Variants in ZBBX observed in about 807,000 individuals in gnomAD.
ZBBX encodes the protein zinc finger B-box domain-containing protein 1.
In ZBBX, 101 loss-of-function variants were observed where a neutral mutation model predicts 108.5. The observed-to-expected ratio is 0.93, with a 90% CI of 0.79 to 1.10. The LOEUF (loss-of-function observed/expected upper bound fraction) is 1.10. Among genes scored for constraint, ZBBX ranks in the 50% least tolerant of loss-of-function variants. The pLI is 0.00. For missense variants in ZBBX, 1,009 were observed against 941.4 expected, an observed-to-expected ratio of 1.07 and a Z score of -0.94; for synonymous variants, 356 against 323.4, an observed-to-expected ratio of 1.10 and a Z score of -1.08.
At chr3:167,227,568 T>TA in the ZBBX span, among the ~76,000 whole-genome samples, 1 of 151,640 alleles carries the variant, frequency 6.6e-6, no homozygotes, top group African/African-American at 2.4e-5. Flanking sequence ...TTTAGTTTCA[T>TA]AAAAAAAATT....
At chr3:167,357,830 G>A (rs1325850999) in intron 8 of ZBBX, among the ~76,000 whole-genome samples, 2 of 151,928 alleles carry the variant, frequency 1.3e-5, no homozygotes, top group African/African-American at 4.8e-5. Context: ...TATACACCAT[G>A]GAATACTATG....
intron 11 of ZBBX, among the ~76,000 whole-genome samples, chr3:167,327,368 A>G (rs1014646773): frequency 7.2e-5 from 11 of 152,158 alleles, no homozygotes; most frequent in Admixed American, 1.3e-4. Context: ...TAGAAGAAGA[A>G]CTGAAAGAAT....
intron 20 of ZBBX, among the ~76,000 whole-genome samples, chr3:167,259,384 AATGGTCT>A (rs771046420): frequency 3.3e-5 from 5 of 152,028 alleles, no homozygotes; most frequent in Non-Finnish European, 7.4e-5. Context: ...TAATGTTGTT[AATGGTCT>A]ATCAATTTTA....
At chr3:167,221,619 T>A in the ZBBX span, among the ~76,000 whole-genome samples, 1 of 151,898 alleles carries the variant, frequency 6.6e-6, no homozygotes, top group South Asian at 2.1e-4. Context: ...AAAGATTTCT[T>A]GAGTAACACC....
At position 167,342,691 on chromosome 3, in the gene ZBBX, GT is replaced by G. The variant is rs1313392819; in HGVS notation, c.528+7728del. On this transcript the variant is annotated intron_variant, in intron 9 of 21. Transcript: ENST00000675490. The stretch of plus-strand genomic sequence containing the variant: ...AATTTCTGCTTCTATAAATTTGACT[GT>G]TTAAAATATCTCATATAAGCAGAGT... Among the ~76,000 whole-genome samples, 3 of 150,798 alleles carry G rather than the reference GT, an allele frequency of 2.0e-5. No homozygotes were observed. The East Asian group carries it at 5.9e-4, about 30-fold the overall frequency.
chr3:167,255,058 T>C (rs950676729), intron 20 of ZBBX, among the ~76,000 whole-genome samples: 7 of 152,072 alleles, frequency 4.6e-5, no homozygotes, highest in Non-Finnish European at 1.0e-4. Flanking sequence ...ATTTGCCATC[T>C]AAATAGAAAT....
the ZBBX span, among the ~76,000 whole-genome samples, chr3:167,191,934 T>TATATATATATATAGAGAGAGAGAGAG: frequency 7.7e-6 from 1 of 130,224 alleles, no homozygotes; most frequent in African/African-American, 3.0e-5. Flanking sequence ...TATATATATA[T>TATATATATATATAGAGAGAGAGAGAG]AGAGCAAGTT....
At chr3:167,220,871 T>C in the ZBBX span, among the ~76,000 whole-genome samples, 1 of 151,662 alleles carries the variant, frequency 6.6e-6, no homozygotes, top group Non-Finnish European at 1.5e-5. Context: ...TAAACACATT[T>C]AGAATACAAA....
chr3:167,289,231 C>G (rs1384968673), intron 18 of ZBBX, among the ~76,000 whole-genome samples: 1 of 151,888 alleles, frequency 6.6e-6, no homozygotes, highest in African/African-American at 2.4e-5. Context: ...CATGAATAAA[C>G]ACATTTGAAT....
At chr3:167,252,234 CAG>C in intron 20 of ZBBX, 1 of 1,252,814 alleles carries the variant, frequency 8.0e-7, no homozygotes. Context: ...GAAAACAAGT[CAG>C]AGAGGTTGCT....
intron 20 of ZBBX, among the ~76,000 whole-genome samples, chr3:167,269,962 C>T (rs78262058): frequency 1.3e-5 from 2 of 152,076 alleles, no homozygotes; most frequent in African/African-American, 4.8e-5. Flanking sequence ...TATCAGCAGA[C>T]AGTTTTGCCC....
In ZBBX at chr3:167,299,228, C is replaced by T. The variant is rs190566456; in HGVS notation, c.1726-770G>A. Among the ~76,000 whole-genome samples, 217 of 152,156 alleles carry T rather than the reference C, an allele frequency of 1.4e-3. No homozygotes were observed. The Middle Eastern group carries it at 0.017, about 12-fold the overall frequency. Reference sequence around the variant, plus strand: ...TTTAATAATTCCGTAATGAATCTAACTAATGCCCAAATATAGTCTGTTCCC... The same window carrying T: ...TTTAATAATTCCGTAATGAATCTAATTAATGCCCAAATATAGTCTGTTCCC... On this transcript the variant is annotated intron_variant, in intron 17 of 21. Coordinates refer to ENST00000675490, the MANE Select transcript of ZBBX (RefSeq NM_001199201.2).
chr3:167,260,007 G>T (rs1724194248), intron 20 of ZBBX, among the ~76,000 whole-genome samples: 1 of 152,124 alleles, frequency 6.6e-6, no homozygotes, highest in South Asian at 2.1e-4. Flanking sequence ...CTTTTTAGCA[G>T]TTCTTATAGT....
At chr3:167,368,661 T>C in intron 4 of ZBBX, 87 bp from the exon 5 acceptor site, 1 of 1,321,440 alleles carries the variant, frequency 7.6e-7, no homozygotes, top group Non-Finnish European at 9.9e-7. Context: ...TAAATTAGAA[T>C]CATGAATAAT....
chr3:167,378,911 T>A (rs1747379959), intron 2 of ZBBX, among the ~76,000 whole-genome samples: 1 of 152,220 alleles, frequency 6.6e-6, no homozygotes, highest in African/African-American at 2.4e-5. Flanking sequence ...TGCTATTGTA[T>A]GTTACCTTGT....
At chr3:167,213,757 A>G in the ZBBX span, among the ~76,000 whole-genome samples, 1 of 152,176 alleles carries the variant, frequency 6.6e-6, no homozygotes, top group Non-Finnish European at 1.5e-5. Context: ...TCGAAATGAA[A>G]GAATGTTATA....
chr3:167,322,016 T>C (rs1324126745), intron 12 of ZBBX, 101 bp downstream of exon 12: 1 of 671,196 alleles, frequency 1.5e-6, no homozygotes, highest in Non-Finnish European at 2.2e-6. Context: ...TATGCAAATA[T>C]GAAATATACA....
At position 167,328,072 on chromosome 3, in the gene ZBBX, T is replaced by C; in HGVS notation, c.732A>G (p.Arg244=). 7 of 1,613,920 alleles carry C rather than the reference T, an allele frequency of 4.3e-6. No individual in the cohort carries two copies. Among genetic ancestry groups the C allele is most frequent in the Non-Finnish European group, 5.9e-6 (7 of 1,179,900 alleles). ...TMKRAQRTKP[R]KSLLCEGSFD... is the part of the protein sequence containing the mutation. ...ATGACCCTTCACACAACAGACTCTT[T>C]CTTGGTTTTGTACGTTGTGCTCTTT... The change falls in exon 11 of 22, where the codon AGA becomes AGG. Residue 244 remains arginine, a synonymous_variant. Coordinates refer to ENST00000675490, the MANE Select transcript of ZBBX (RefSeq NM_001199201.2).
chr3:167,347,705 G>A (rs1271183373), intron 9 of ZBBX, among the ~76,000 whole-genome samples: 14 of 151,980 alleles, frequency 9.2e-5, no homozygotes, highest in Admixed American at 9.2e-4. Flanking sequence ...TTAGCTCCCA[G>A]CACAGGAAGT....
Sources: gnomAD v4.1 joint callset for allele counts (sites outside exome capture counted in the v4.1 genomes callset) on GRCh38, gnomAD v4.1.1 for gene constraint, MANE v1.5 for transcripts, NCBI Gene and HGNC (gene_info 2026-07-23, HGNC 2026-07-21) for gene names.